DCDC2: variants seen among roughly 807,000 people sequenced by gnomAD.
DCDC2 encodes doublecortin domain containing 2.
A neutral mutation model predicts 50.2 loss-of-function variants in DCDC2; 40 were observed. That is an observed-to-expected ratio of 0.80 (90% CI 0.62 to 1.04). The LOEUF is 1.04. DCDC2 is among the 50% of genes least tolerant of loss of function. DCDC2 has a pLI of 0.00. For synonymous variants in DCDC2, 234 were observed against 210.6 expected (o/e 1.11, Z -0.96); for missense variants, 570 against 581.9 (o/e 0.98, Z 0.21).
chr6:24,254,833 A>T (rs1762870276), intron 7 of DCDC2, among the ~76,000 whole-genome samples: 1 of 29,764 alleles, frequency 3.4e-5, no homozygotes, highest in Non-Finnish European at 1.4e-4. Context: ...TCATACTATA[A>T]AAAAAAATCA....
chr6:24,331,274 A>G (rs1218064951), intron 2 of DCDC2, among the ~76,000 whole-genome samples: 2 of 150,976 alleles, frequency 1.3e-5, no homozygotes, highest in African/African-American at 4.9e-5. Context: ...CTTAGTTTGA[A>G]GTTTTTTAAG....
intron 7 of DCDC2, among the ~76,000 whole-genome samples, chr6:24,270,389 G>C (rs183467387): frequency 6.6e-6 from 1 of 152,294 alleles, no homozygotes; most frequent in Non-Finnish European, 1.5e-5. Context: ...GGTATCAGGA[G>C]TGTGCCATTA....
intron 8 of DCDC2, among the ~76,000 whole-genome samples, chr6:24,185,212 A>C (rs1474592963): frequency 1.3e-5 from 2 of 152,160 alleles, no homozygotes; most frequent in Non-Finnish European, 2.9e-5. Flanking sequence ...TCTAGGAAAG[A>C]AGACAACTGG....
At chr6:24,298,732 G>A (rs1030440979) in intron 4 of DCDC2, among the ~76,000 whole-genome samples, 34 of 152,284 alleles carry the variant, frequency 2.2e-4, no homozygotes, top group African/African-American at 7.2e-4. Flanking sequence ...CACGCAACAT[G>A]AGTGAAAAGA....
At chr6:24,315,066 A>C (rs114540201) in intron 2 of DCDC2, among the ~76,000 whole-genome samples, 8 of 152,152 alleles carry the variant, frequency 5.3e-5, no homozygotes, top group Non-Finnish European at 1.2e-4. Flanking sequence ...CCATTGCTAT[A>C]TAATAGCTAT....
chr6:24,279,439 G>A (rs1399157144), intron 6 of DCDC2, among the ~76,000 whole-genome samples: 1 of 152,096 alleles, frequency 6.6e-6, no homozygotes, highest in Non-Finnish European at 1.5e-5. Context: ...AAATCAGCCT[G>A]GCGTGCTGGT....
At chr6:24,238,654 C>T (rs893650422) in intron 7 of DCDC2, among the ~76,000 whole-genome samples, 9 of 152,278 alleles carry the variant, frequency 5.9e-5, no homozygotes, top group African/African-American at 2.2e-4. Context: ...ATCCAGAAAT[C>T]CTTCTCGCAG....
chr6:24,254,889 T>C (rs191257820), intron 7 of DCDC2, among the ~76,000 whole-genome samples: 58 of 152,306 alleles, frequency 3.8e-4, no homozygotes, highest in African/African-American at 1.2e-3. Flanking sequence ...ATTTTAAAGA[T>C]TGATCTATAG....
chr6:24,322,280 C>A (rs1006552888), intron 2 of DCDC2, among the ~76,000 whole-genome samples: 2 of 152,092 alleles, frequency 1.3e-5, no homozygotes, highest in African/African-American at 4.8e-5. Context: ...GGAGTCATAA[C>A]CTACAAATCA....
intron 7 of DCDC2, among the ~76,000 whole-genome samples, chr6:24,253,658 T>C (rs977232510): frequency 6.6e-6 from 1 of 152,184 alleles, no homozygotes; most frequent in African/African-American, 2.4e-5. Context: ...TGGTAACTAC[T>C]TGTGCTTCTA....
chr6:24,274,224 G>A (rs12189861), intron 7 of DCDC2, among the ~76,000 whole-genome samples: 21,355 of 152,084 alleles, frequency 0.14, 1,754 homozygotes, highest in African/African-American at 0.22. Flanking sequence ...CGTTCACAAG[G>A]GTTCTAAAAG....
chr6:24,176,898 T>C (rs1011172098), intron 9 of DCDC2, among the ~76,000 whole-genome samples: 2 of 152,236 alleles, frequency 1.3e-5, no homozygotes, highest in South Asian at 2.1e-4. Flanking sequence ...TCACTTAACA[T>C]AATGTCCTCC....
chr6:24,282,256 T>G (rs1460881130), intron 6 of DCDC2, among the ~76,000 whole-genome samples: 1 of 81,480 alleles, frequency 1.2e-5, no homozygotes, highest in Non-Finnish European at 2.8e-5. Flanking sequence ...TTTTGTTTTG[T>G]TTTTTTTTGA....
rs1361700376 is a variant in DCDC2, at chr6:24,326,184, AG to A, written c.349-24141del. Among the ~76,000 whole-genome samples the A allele has an allele frequency of 1.9e-4, 27 of 144,420 alleles. 1 individual carries two copies. Among genetic ancestry groups the A allele is most frequent in the African/African-American group, 6.6e-4 (27 of 40,694 alleles). The allele number at this position is 144,420 out of a possible 152,430, so 94.7% of individuals were successfully genotyped here. A position where few individuals can be genotyped will look rare whatever the true frequency, so the allele number is the denominator to read the frequency against. ...AGGAAGGAAAGGAAGGAAGGAAGGA[AG>A]GAAGGAAGAAAGGAAGGAAGGAAAG... On this transcript the variant is annotated intron_variant, in intron 2 of 9. Coordinates refer to ENST00000378454, the MANE Select transcript of DCDC2 (RefSeq NM_016356.5).
intron 1 of DCDC2, 111 bp downstream of exon 1, chr6:24,357,347 T>G: frequency 7.8e-7 from 1 of 1,275,890 alleles, no homozygotes; most frequent in Non-Finnish European, 1.1e-6. Flanking sequence ...CACCGAGAAG[T>G]CACAGCCCCT....
intron 1 of DCDC2, among the ~76,000 whole-genome samples, chr6:24,355,193 T>C (rs1406745890): frequency 6.6e-6 from 1 of 152,152 alleles, no homozygotes; most frequent in African/African-American, 2.4e-5. Context: ...CAGTTTTTTG[T>C]GTATGAACTG....
At chr6:24,211,390 G>A (rs1202925362) in intron 7 of DCDC2, among the ~76,000 whole-genome samples, 1 of 152,144 alleles carries the variant, frequency 6.6e-6, no homozygotes, top group Non-Finnish European at 1.5e-5. Flanking sequence ...TTACGTTATT[G>A]GTGGTAGGTA....
chr6:24,242,273 A>G (rs1762577980), intron 7 of DCDC2, among the ~76,000 whole-genome samples: 1 of 152,150 alleles, frequency 6.6e-6, no homozygotes, highest in Admixed American at 6.5e-5. Flanking sequence ...ATCTCCCTAG[A>G]CAGGTCATCA....
intron 9 of DCDC2, among the ~76,000 whole-genome samples, chr6:24,175,293 C>T (rs1760878049): frequency 6.6e-6 from 1 of 152,114 alleles, no homozygotes; most frequent in African/African-American, 2.4e-5. Flanking sequence ...AAGAAAAAGA[C>T]AGAAAATCAA....
Sources: gnomAD v4.1 joint callset for allele counts (sites outside exome capture counted in the v4.1 genomes callset) on GRCh38, gnomAD v4.1.1 for gene constraint, MANE v1.5 for transcripts, NCBI Gene and HGNC (gene_info 2026-07-23, HGNC 2026-07-21) for gene names.